The following TACC2 variants were observed in gnomAD, a reference collection of about 807,000 sequenced individuals.
TACC2 encodes transforming acidic coiled-coil containing protein 2.
TACC2 carries 137 observed loss-of-function variants against 227.3 expected under a neutral mutation model. That is an observed-to-expected ratio of 0.60 (90% CI 0.52 to 0.69). The LOEUF (loss-of-function observed/expected upper bound fraction) is 0.69. Among genes scored for constraint, TACC2 ranks in the 30% least tolerant of loss-of-function variants. The pLI, the probability that TACC2 is intolerant of heterozygous loss-of-function variation, is 0.00. For missense variants in TACC2, 3,470 were observed against 3,694.4 expected, an observed-to-expected ratio of 0.94 and a Z score of 1.57; for synonymous variants, 1,523 against 1,487.5, an observed-to-expected ratio of 1.02 and a Z score of -0.55.
intron 7 of TACC2, among the ~76,000 whole-genome samples, chr10:122,169,709 G>A (rs540529753): frequency 1.7e-4 from 26 of 152,156 alleles, no homozygotes; most frequent in Non-Finnish European, 3.4e-4. Flanking sequence ...AATATGTGCC[G>A]ATAATGCCCC....
At chr10:122,072,996 C>G (rs1268446735) in intron 3 of TACC2, among the ~76,000 whole-genome samples, 4 of 150,142 alleles carry the variant, frequency 2.7e-5, no homozygotes, top group Non-Finnish European at 5.9e-5. Flanking sequence ...GCCTGTAGTC[C>G]CAGCTGCTAG....
chr10:122,100,564 C>T (rs568283046), intron 5 of TACC2, among the ~76,000 whole-genome samples: 2 of 151,950 alleles, frequency 1.3e-5, no homozygotes, highest in Non-Finnish European at 2.9e-5. Context: ...TCTGGGATTA[C>T]AGGCACGCAC....
At chr10:122,061,965 C>G (rs1294206752) in intron 3 of TACC2, among the ~76,000 whole-genome samples, 2 of 150,412 alleles carry the variant, frequency 1.3e-5, no homozygotes, top group Admixed American at 6.6e-5. Context: ...TATCGTAGAT[C>G]CACAGGAAAC....
At chr10:122,196,933 CAAAAA>C in intron 8 of TACC2, among the ~76,000 whole-genome samples, 1 of 78,240 alleles carries the variant, frequency 1.3e-5, no homozygotes, top group Admixed American at 1.6e-4. Context: ...GAGTCCGTCT[CAAAAA>C]AAAAAAAAAA....
At chr10:122,217,055 C>T (rs761789531) in intron 11 of TACC2, 22 of 826,864 alleles carry the variant, frequency 2.7e-5, no homozygotes, top group Middle Eastern at 3.8e-4. Flanking sequence ...AGAGCCAGCA[C>T]GGTGCCCTCT....
intron 5 of TACC2, 49 bp from the exon 6 acceptor site, chr10:122,132,559 AC>A (rs1268938355): frequency 1.2e-6 from 2 of 1,608,106 alleles, no homozygotes; most frequent in Non-Finnish European, 1.7e-6. Flanking sequence ...CAAAACAAAA[AC>A]TTGTAGGAAT....
chr10:122,035,281 G>C (rs1159409701), intron 2 of TACC2, among the ~76,000 whole-genome samples: 2 of 152,142 alleles, frequency 1.3e-5, no homozygotes, highest in Non-Finnish European at 2.9e-5. Flanking sequence ...CTCCCTGCTG[G>C]GCATCTGGTA....
At chr10:122,070,763 A>AAG (rs1328723050) in intron 3 of TACC2, among the ~76,000 whole-genome samples, 1 of 151,038 alleles carries the variant, frequency 6.6e-6, no homozygotes, top group Non-Finnish European at 1.5e-5. Context: ...CAAAAAAAAA[A>AAG]AAAAAAAAGA....
At chr10:122,142,272 T>C (rs1312287213) in intron 6 of TACC2, among the ~76,000 whole-genome samples, 2 of 152,236 alleles carry the variant, frequency 1.3e-5, no homozygotes, top group Non-Finnish European at 1.5e-5. Context: ...TTGCAGCCAG[T>C]TGGACACTTG....
intron 7 of TACC2, among the ~76,000 whole-genome samples, chr10:122,170,244 A>G (rs1368877586): frequency 6.8e-6 from 1 of 148,110 alleles, no homozygotes; most frequent in Admixed American, 6.7e-5. Context: ...TGCTCAAACC[A>G]GAAACCTGAT....
chr10:122,027,500 C>T lies in TACC2; in HGVS notation c.33+5486C>T, dbSNP rs142843759. 2.0e-5 allele frequency among the ~76,000 whole-genome samples: 3 copies of T among 152,146 alleles called. No individual in the cohort carries two copies. In the East Asian group the frequency reaches 5.8e-4, roughly 29 times the overall value. On this transcript the variant is annotated intron_variant, in intron 2 of 22. Coordinates refer to ENST00000369005, the MANE Select transcript of TACC2 (RefSeq NM_206862.4). ...CAACATTTGTTAGAGTATTCTTCCT[C>T]CATTAAACTGTTTCTGCACCTTTGT...
rs141312062 is a variant in TACC2 at position 122,215,423 on chromosome 10, G to C, written c.7316G>C (p.Arg2439Pro). 1 of 1,613,960 alleles carries C rather than the reference G, an allele frequency of 6.2e-7. No homozygotes were observed. The highest frequency in any genetic ancestry group is 8.5e-7 in the Non-Finnish European group (1 of 1,179,926). ...DTFRVKKSPK[R>P]SPLSDPPSQD... ...TTTAGGGTGAAAAAGTCGCCAAAAC[G>C]GTCTCCTCTCTCTGATCCACCTTCC... is the stretch of plus-strand genomic sequence containing the variant. Residue 2439 changes from arginine to proline, a missense_variant, in exon 10 of 23, where the codon CGG becomes CCG. Coordinates refer to ENST00000369005, the MANE Select transcript of TACC2 (RefSeq NM_206862.4).
intron 2 of TACC2, among the ~76,000 whole-genome samples, chr10:122,049,128 C>CT (rs1422399740): frequency 6.6e-6 from 1 of 152,320 alleles, no homozygotes; most frequent in Admixed American, 6.5e-5. Flanking sequence ...GGAATGCACT[C>CT]TCAGTTGCTA....
At chr10:122,088,849 G>T in intron 5 of TACC2, 1 of 1,157,324 alleles carries the variant, frequency 8.6e-7, no homozygotes, top group Non-Finnish European at 1.2e-6. Flanking sequence ...GTCTGGGTGC[G>T]GTGGCTCATG....
chr10:121,993,053 C>A (rs950509999), intron 1 of TACC2, among the ~76,000 whole-genome samples: 5 of 152,196 alleles, frequency 3.3e-5, no homozygotes, highest in African/African-American at 7.2e-5. Flanking sequence ...GGCATGGTAG[C>A]TCACACCTGT....
At chr10:121,992,443 TAC>T (rs1477160550) in intron 1 of TACC2, among the ~76,000 whole-genome samples, 1 of 152,200 alleles carries the variant, frequency 6.6e-6, no homozygotes, top group African/African-American at 2.4e-5. Context: ...AGTGCAGAAT[TAC>T]ACAAGAACTT....
intron 18 of TACC2, among the ~76,000 whole-genome samples, chr10:122,239,276 T>A (rs2095931145): frequency 6.6e-6 from 1 of 152,232 alleles, no homozygotes; most frequent in African/African-American, 2.4e-5. Context: ...CCCAAAGTTC[T>A]GGGATTACAG....
intron 5 of TACC2, chr10:122,113,121 C>T (rs1034606366): frequency 6.6e-6 from 1 of 152,390 alleles, no homozygotes; most frequent in Non-Finnish European, 1.5e-5. Context: ...GTGGTGACCC[C>T]ACGCGCCGCG....
intron 2 of TACC2, among the ~76,000 whole-genome samples, chr10:122,036,195 C>CTTTTT (rs556416510): frequency 7.2e-6 from 1 of 139,122 alleles, no homozygotes; most frequent in Admixed American, 7.3e-5. Flanking sequence ...CTAATCCATT[C>CTTTTT]TTTTTTTTTT....
Sources: gnomAD v4.1 joint callset for allele counts (sites outside exome capture counted in the v4.1 genomes callset) on GRCh38, gnomAD v4.1.1 for gene constraint, MANE v1.5 for transcripts, NCBI Gene and HGNC (gene_info 2026-07-23, HGNC 2026-07-21) for gene names.